The following PPP2R5C variants were observed in gnomAD, a reference collection of about 807,000 sequenced individuals.
PPP2R5C encodes serine/threonine-protein phosphatase 2A 56 kDa regulatory subunit gamma isoform.
A neutral mutation model predicts 68.9 loss-of-function variants in PPP2R5C; 7 were observed. That is an observed-to-expected ratio of 0.10 (90% confidence interval 0.06 to 0.19). The LOEUF is 0.19. Among genes scored for constraint, PPP2R5C ranks in the 10% least tolerant of loss-of-function variants. The pLI, the probability that PPP2R5C is intolerant of heterozygous loss-of-function variation, is 1.00. For missense variants in PPP2R5C, 348 were observed against 641.3 expected, an observed-to-expected ratio of 0.54 and a Z score of 4.94; for synonymous variants, 210 against 222.2, an observed-to-expected ratio of 0.95 and a Z score of 0.49.
At chr14:101,918,011 G>A in intron 13 of PPP2R5C, 64 bp downstream of exon 15, 1 of 1,606,880 alleles carries the variant, frequency 6.2e-7, no homozygotes, top group Non-Finnish European at 8.5e-7. Context: ...GCACATTTTT[G>A]TAGGCGATGT....
At chr14:101,925,518 A>T in exon 14 of PPP2R5C, 1 of 447,094 alleles carries the variant, frequency 2.2e-6, no homozygotes, top group Non-Finnish European at 3.8e-6. Flanking sequence ...ACCCCAGCGT[A>T]GTCCAAGTCA....
chr14:101,787,481 C>T (rs2038151532), intron 3 of PPP2R5C, among the ~76,000 whole-genome samples: 2 of 151,830 alleles, frequency 1.3e-5, no homozygotes, highest in Non-Finnish European at 2.9e-5. Context: ...TCCAGGTTCT[C>T]GGCCGGGCGC....
rs551208203 is a variant in PPP2R5C, at chr14:101,877,543, A to G, written c.295-4618A>G. On this transcript the variant is annotated intron_variant, in intron 2 of 13. Transcript: ENST00000334743. This position sits in a 1 kb window ranked among gnomAD's most constrained non-coding sequence, Gnocchi z 4.2. ...TGTCTTCTCTGTTTCCTCAGACCGG[A>G]TCCATGCATCCAGGTAGCATGGCAG... 2.6e-5 allele frequency among the ~76,000 whole-genome samples: 4 copies of G among 152,186 alleles called. No homozygotes were observed. The highest frequency in any genetic ancestry group is 5.9e-5 in the Non-Finnish European group (4 of 68,010).
Position 101,816,963 on chromosome 14 carries a change from TA to T in PPP2R5C, c.94+6928del, listed in dbSNP as rs1038054205. On this transcript the variant is annotated intron_variant, in intron 1 of 13. Coordinates refer to ENST00000334743, the Ensembl canonical transcript of PPP2R5C. Reference sequence around the variant, plus strand: ...TATAAAAATATTATATATGTATATATATTTTTTTTTTTTGAGATGGAGTCTT... The same window carrying T: ...TATAAAAATATTATATATGTATATATTTTTTTTTTTTTGAGATGGAGTCTT... 7.0e-5 allele frequency among the ~76,000 whole-genome samples: 10 copies of T among 142,294 alleles called. No individual in the cohort carries two copies. In the East Asian group the frequency reaches 9.8e-4, roughly 14 times the overall value. The allele number at this position is 142,294 out of a possible 152,430, so 93.4% of individuals were successfully genotyped here. A position where few individuals can be genotyped will look rare whatever the true frequency, so the allele number is the denominator to read the frequency against.
intron 2 of PPP2R5C, among the ~76,000 whole-genome samples, chr14:101,785,687 G>T (rs1483438490): frequency 6.6e-6 from 1 of 152,190 alleles, no homozygotes; most frequent in African/African-American, 2.4e-5. Context: ...CGCCAAGCAA[G>T]GTCCCATATT....
chr14:101,909,859 G>A (rs2046287814), intron 11 of PPP2R5C, among the ~76,000 whole-genome samples, 169 bp downstream of exon 13: 1 of 152,196 alleles, frequency 6.6e-6, no homozygotes, highest in Non-Finnish European at 1.5e-5. Context: ...TATTTTGAAA[G>A]AACAGGTGTT....
rs1042238976 is a variant in PPP2R5C, at chr14:101,882,007, C to G, written c.295-154C>G. ...GCTGCAGTTTTGATCCAGGCTCTCTCTGAGGACCCACACAGCTTCTGCGTT... is the reference window on the plus strand; with the variant it reads ...GCTGCAGTTTTGATCCAGGCTCTCTGTGAGGACCCACACAGCTTCTGCGTT... On this transcript the variant is annotated intron_variant, in intron 2 of 13. Transcript: ENST00000334743. The surrounding 1 kb of genome is among the most constrained non-coding windows in gnomAD (Gnocchi z 4.9). Among the ~76,000 whole-genome samples the G allele has an allele frequency of 6.6e-6, 1 of 152,220 alleles. No individual in the cohort carries two copies. Among genetic ancestry groups the G allele is most frequent in the African/African-American group, 2.4e-5 (1 of 41,442 alleles).
chr14:101,806,418 G>A (rs1036111891), upstream of PPP2R5C, among the ~76,000 whole-genome samples: 1 of 152,100 alleles, frequency 6.6e-6, no homozygotes, highest in Admixed American at 6.5e-5. Context: ...TTTCATCCAT[G>A]TCCCTACAAA....
intron 3 of PPP2R5C, among the ~76,000 whole-genome samples, chr14:101,801,739 A>G (rs867325340): frequency 1.3e-5 from 2 of 152,250 alleles, no homozygotes; most frequent in South Asian, 2.1e-4. Flanking sequence ...GGAAGACTTA[A>G]TGTTGTTAAG....
intron 2 of PPP2R5C, among the ~76,000 whole-genome samples, chr14:101,780,826 C>T (rs2037643118): frequency 6.6e-6 from 1 of 152,184 alleles, no homozygotes; most frequent in Non-Finnish European, 1.5e-5. Flanking sequence ...TTGAGAGGCA[C>T]TGGAGCATGG....
Position 101,922,124 on chromosome 14 carries a change from G to A in PPP2R5C, c.1444-3017G>A, listed in dbSNP as rs533970800. 74 of 985,386 alleles carry A rather than the reference G, an allele frequency of 7.5e-5. No individual in the cohort carries two copies. The South Asian group carries it at 2.9e-3, about 38-fold the overall frequency. The allele number at this position is 985,386 out of a possible 1,614,324, so 61.0% of individuals were successfully genotyped here. On this transcript the variant is annotated intron_variant, in intron 13 of 13. Coordinates refer to ENST00000334743, the Ensembl canonical transcript of PPP2R5C. Reference sequence around the variant, plus strand: ...CCAGGAGAAGAATTGACGAGTTAACGTGGACATGAAGTATTTTCCCTTTTG... The same window carrying A: ...CCAGGAGAAGAATTGACGAGTTAACATGGACATGAAGTATTTTCCCTTTTG...
intron 2 of PPP2R5C, among the ~76,000 whole-genome samples, chr14:101,773,292 G>T (rs1040519238): frequency 5.3e-5 from 8 of 152,094 alleles, no homozygotes; most frequent in African/African-American, 1.7e-4. Context: ...TCAATACCAT[G>T]ATGACAACCA....
At chr14:101,764,355 T>C (rs930397303) in intron 2 of PPP2R5C, among the ~76,000 whole-genome samples, 1 of 152,196 alleles carries the variant, frequency 6.6e-6, no homozygotes, top group African/African-American at 2.4e-5. Context: ...CAGAACTGGA[T>C]CATTGAAGCC....
Position 101,860,586 on chromosome 14 carries a change from A to C in PPP2R5C, c.294+3701A>C, listed in dbSNP as rs143843088. 5.3e-3 allele frequency among the ~76,000 whole-genome samples: 808 copies of C among 152,238 alleles called. 4 individuals carry two copies. Among genetic ancestry groups the C allele is most frequent in the African/African-American group, 0.018 (767 of 41,528 alleles). ...AGTCGCTGGGTCATATGGTAACTTT[A>C]ACATTTTGAAGAACTACCAGACCGT... On this transcript the variant is annotated intron_variant, in intron 2 of 13. Coordinates refer to ENST00000334743, the Ensembl canonical transcript of PPP2R5C.
chr14:101,815,187 C>T (rs909152444), intron 1 of PPP2R5C, among the ~76,000 whole-genome samples: 1 of 152,222 alleles, frequency 6.6e-6, no homozygotes, highest in Non-Finnish European at 1.5e-5. Flanking sequence ...AAGGGAGCCT[C>T]TTGCCCAGGG....
upstream of PPP2R5C, among the ~76,000 whole-genome samples, chr14:101,805,451 A>G (rs1007164174): frequency 1.3e-5 from 2 of 152,218 alleles, no homozygotes; most frequent in Non-Finnish European, 2.9e-5. Context: ...TTACACATAT[A>G]CCTTGAAACT....
chr14:101,814,278 C>T (rs1416658072), intron 1 of PPP2R5C, among the ~76,000 whole-genome samples: 1 of 152,230 alleles, frequency 6.6e-6, no homozygotes, highest in African/African-American at 2.4e-5. Flanking sequence ...GTAACTGCAG[C>T]TCTCTGCAAA....
rs773983224 is a variant in PPP2R5C, at chr14:101,925,161, G to C, written c.1464G>C (p.Lys488Asn). Residue 488 changes from lysine (K) to asparagine (N), a missense_variant, in exon 14 of 14, where the codon AAG (lysine) becomes AAC (asparagine). Lys to Asn is a moderately conservative substitution (Grantham distance 94). This residue lies in a region of PPP2R5C where 118 missense variants were observed against 108.9 expected (regional missense o/e 1.08). Coordinates refer to ENST00000334743, the Ensembl canonical transcript of PPP2R5C. ...TCCAGGCACAGAAAGATCCGAAGAAGGACCGTCCTCTTGCACGCCGCAAGT... is the reference window on the plus strand; with the variant it reads ...TCCAGGCACAGAAAGATCCGAAGAACGACCGTCCTCTTGCACGCCGCAAGT... The C allele has an allele frequency of 2.4e-5, 38 of 1,614,100 alleles. No homozygotes were observed. The East Asian group carries it at 8.2e-4, about 35-fold the overall frequency.
chr14:101,809,657 T>A (rs1393728492), upstream of PPP2R5C: 4 of 334,044 alleles, frequency 1.2e-5, no homozygotes. Context: ...GATGGGATCT[T>A]TGCCTAAAAG....
Sources: gnomAD v4.1 joint callset for allele counts (sites outside exome capture counted in the v4.1 genomes callset) on GRCh38, gnomAD v4.1.1 for gene constraint, gnomAD v4.1.1 regional missense constraint, Gnocchi (gnomAD v3.1) non-coding constraint, MANE v1.5 for transcripts, NCBI Gene and HGNC (gene_info 2026-07-23, HGNC 2026-07-21) for gene names.